DEFB121: variants seen among roughly 807,000 people sequenced by gnomAD.
DEFB121 encodes the protein defensin beta 121, also known as beta-defensin 121.
In DEFB121, 5 loss-of-function variants were observed where a neutral mutation model predicts 2.5. That is an observed-to-expected ratio of 1.96 (90% CI 1.03 to 4.13). The LOEUF is 4.13. Ranked by LOEUF, DEFB121 falls within the 30% of genes most tolerant of loss-of-function variation. The probability of loss-of-function intolerance (pLI) is 0.00; values close to 1 mark genes in which losing one functional copy is unlikely to be tolerated. For missense variants in DEFB121, 87 were observed against 85.0 expected (o/e 1.02, Z -0.09); for synonymous variants, 39 against 32.6 (o/e 1.20, Z -0.67).
rs908285141 is a variant in DEFB121 at position 31,405,147 on chromosome 20, A to T, written c.59-62T>A. ...TTGAAAGAAAGCAGAAAGGTGTGAAAGGAAGAGGCTAAAGCCCAGTAGAGG... is the reference window on the plus strand; with the variant it reads ...TTGAAAGAAAGCAGAAAGGTGTGAATGGAAGAGGCTAAAGCCCAGTAGAGG... On this transcript the variant is annotated intron_variant, in intron 1 of 1. Coordinates refer to ENST00000376314, the MANE Select transcript of DEFB121 (RefSeq NM_001011878.3). The T allele has an allele frequency of 5.9e-6, 9 of 1,523,900 alleles. No individual in the cohort carries two copies. In the African/African-American group the frequency reaches 9.7e-5, roughly 16 times the overall value. 94.4% of individuals were successfully genotyped at this position (1,523,900 alleles called of 1,614,324 possible).
At chr20:31,418,279 A>G in the DEFB121 span, among the ~76,000 whole-genome samples, 16 of 139,572 alleles carry the variant, frequency 1.1e-4, no homozygotes, top group Non-Finnish European at 1.9e-4. Context: ...AAAAAAAAAA[A>G]AAAGAAAAAA....
At chr20:31,414,973 G>A (rs1001172209), upstream of DEFB121, among the ~76,000 whole-genome samples, 1 of 152,140 alleles carries the variant, frequency 6.6e-6, no homozygotes, top group African/African-American at 2.4e-5. Context: ...GCTGAGATGG[G>A]AGAGGATCTC....
chr20:31,418,212 G>A, the DEFB121 span, among the ~76,000 whole-genome samples: 1 of 125,498 alleles, frequency 8.0e-6, no homozygotes, highest in Admixed American at 1.0e-4. Flanking sequence ...GTGAGCCGAG[G>A]TCCCGCCACT....
rs1395317314 is a variant in DEFB121, at chr20:31,404,880, A to G, written c.*33T>C. 14 of 1,610,050 alleles carry G rather than the reference A, an allele frequency of 8.7e-6. No individual in the cohort carries two copies. The highest frequency in any genetic ancestry group is 1.0e-5 in the Non-Finnish European group (12 of 1,178,786). On this transcript the variant is annotated 3_prime_UTR_variant, in exon 2 of 2. Coordinates refer to ENST00000376314, the MANE Select transcript of DEFB121 (RefSeq NM_001011878.3). ...TGATTTAATAGAACTGCAGGATCCC[A>G]TGATGTTGAGACTCAAGGTTGGAAG... is the stretch of plus-strand genomic sequence containing the variant.
chr20:31,406,093 ACCTGGGGTGACCTGGG>A lies in DEFB121; in HGVS notation c.44_58+1del, dbSNP rs1978467924. 3 of 1,613,660 alleles carry A rather than the reference ACCTGGGGTGACCTGGG, an allele frequency of 1.9e-6. No individual in the cohort carries two copies. In the East Asian group the frequency reaches 6.7e-5, roughly 36 times the overall value. On this transcript the variant is annotated splice_donor_variant and coding_sequence_variant, in exon 1 of 2. Coordinates refer to ENST00000376314, the MANE Select transcript of DEFB121 (RefSeq NM_001011878.3). LOFTEE classifies it high-confidence loss of function. ...CCATCCCCTTCTGGAGATCCTGTTT[ACCTGGGGTGACCTGGG>A]CCAGGAGCAGAGTAACAGTCAAAAG...
upstream of DEFB121, among the ~76,000 whole-genome samples, chr20:31,409,251 T>C (rs550722221): frequency 6.6e-6 from 1 of 152,348 alleles, no homozygotes; most frequent in South Asian, 2.1e-4. Context: ...ACAACTCCTC[T>C]CTTTGGTATT....
chr20:31,409,113 T>C (rs1265021956), upstream of DEFB121, among the ~76,000 whole-genome samples: 1 of 152,190 alleles, frequency 6.6e-6, no homozygotes, highest in Admixed American at 6.6e-5. Context: ...GTCCCTTCTC[T>C]ATTTTAAAAA....
At chr20:31,415,451 T>C (rs1312713140), upstream of DEFB121, among the ~76,000 whole-genome samples, 1 of 152,122 alleles carries the variant, frequency 6.6e-6, no homozygotes, top group Admixed American at 6.6e-5. Context: ...GGTTTCACCA[T>C]GTTGGCCAGG....
upstream of DEFB121, among the ~76,000 whole-genome samples, chr20:31,410,594 CA>C (rs1158962530): frequency 6.6e-6 from 1 of 152,066 alleles, no homozygotes; most frequent in African/African-American, 2.4e-5. Context: ...TAACCCTCTG[CA>C]ACAGAGGACT....
upstream of DEFB121, among the ~76,000 whole-genome samples, chr20:31,415,091 G>C (rs1414464847): frequency 6.6e-6 from 1 of 152,078 alleles, no homozygotes; most frequent in Non-Finnish European, 1.5e-5. Context: ...AATGTTTAAA[G>C]TTTTAGAAAT....
the DEFB121 span, among the ~76,000 whole-genome samples, chr20:31,418,267 A>AAAAAAAG: frequency 3.4e-5 from 3 of 89,454 alleles, no homozygotes; most frequent in Non-Finnish European, 6.9e-5. Context: ...CTCAAAAAAA[A>AAAAAAAG]AAAAAAAAAA....
At chr20:31,410,924 C>G (rs1051893459), upstream of DEFB121, among the ~76,000 whole-genome samples, 5 of 151,928 alleles carry the variant, frequency 3.3e-5, no homozygotes, top group East Asian at 9.6e-4. Context: ...CTTTATGCAT[C>G]CAAGGAACCC....
chr20:31,405,746 C>A lies in DEFB121; in HGVS notation c.58+349G>T, dbSNP rs564539901. 2.0e-5 allele frequency among the ~76,000 whole-genome samples: 3 copies of A among 152,248 alleles called. No individual in the cohort carries two copies. In the East Asian group the frequency reaches 5.8e-4, roughly 29 times the overall value. On this transcript the variant is annotated intron_variant, in intron 1 of 1. Transcript: ENST00000376314. ...TTGAGAACCATTTTCCTAGAGGCAA[C>A]AATGCATCAAAATTCAAATCCTTTC...
At chr20:31,412,656 C>T in exon 1 of DEFB121, 2 of 1,290,894 alleles carry the variant, frequency 1.5e-6, no homozygotes, top group Non-Finnish European at 2.0e-6. Flanking sequence ...GGCTATTGAC[C>T]TCTTTCCTCC....
At chr20:31,417,272 T>C (rs1300478457), upstream of DEFB121, among the ~76,000 whole-genome samples, 2 of 151,870 alleles carry the variant, frequency 1.3e-5, no homozygotes, top group Non-Finnish European at 2.9e-5. Flanking sequence ...TTGAACCTGG[T>C]AGGTGAAGGT....
chr20:31,411,527 G>C (rs1978663781), intron 1 of DEFB121, among the ~76,000 whole-genome samples: 1 of 150,228 alleles, frequency 6.7e-6, no homozygotes, highest in South Asian at 2.1e-4. Flanking sequence ...ATGCCTTTCA[G>C]TGAAAAAAGA....
chr20:31,411,733 T>C (rs939362666), intron 1 of DEFB121, among the ~76,000 whole-genome samples: 36 of 152,310 alleles, frequency 2.4e-4, no homozygotes, highest in Admixed American at 7.2e-4. Context: ...GAGTGGACGG[T>C]GCTGTGAAGT....
upstream of DEFB121, among the ~76,000 whole-genome samples, chr20:31,408,112 G>A (rs2122352835): frequency 6.6e-6 from 1 of 152,174 alleles, no homozygotes; most frequent in Admixed American, 6.5e-5. Flanking sequence ...CAGAAATAAA[G>A]ACATACTAAT....
chr20:31,410,787 A>G (rs760996), upstream of DEFB121, among the ~76,000 whole-genome samples: 127,177 of 150,896 alleles, frequency 0.84, 53,708 homozygotes, highest in African/African-American at 0.89. Flanking sequence ...GTTTCTGGTT[A>G]GAAGGGTAGG....
Sources: allele counts gnomAD v4.1 joint callset (sites outside exome capture counted in the v4.1 genomes callset), GRCh38; gene constraint gnomAD v4.1.1; transcripts MANE v1.5; gene names NCBI Gene and HGNC (gene_info 2026-07-23, HGNC 2026-07-21).